Variants in ADSS2 observed in about 807,000 individuals in gnomAD.
ADSS2 encodes adenylosuccinate synthetase isozyme 2.
In ADSS2, 30 loss-of-function variants were observed where a neutral mutation model predicts 60.0. The ratio of observed to expected loss-of-function variants is 0.50; its 90% CI spans 0.37 to 0.68. The LOEUF (loss-of-function observed/expected upper bound fraction) is 0.68, where lower values mean the gene tolerates loss of function less well. Ranked by LOEUF, ADSS2 falls within the 30% of genes least tolerant of loss-of-function variation. The probability of loss-of-function intolerance (pLI) is 0.00; values close to 1 mark genes in which losing one functional copy is unlikely to be tolerated. For synonymous variants in ADSS2, 187 were observed against 193.1 expected, an observed-to-expected ratio of 0.97 and a Z score of 0.26; for missense variants, 373 against 554.8, an observed-to-expected ratio of 0.67 and a Z score of 3.29.
At chr1:244,434,760 A>G (rs1425604336) in intron 3 of ADSS2, among the ~76,000 whole-genome samples, 1 of 152,212 alleles carries the variant, frequency 6.6e-6, no homozygotes, top group East Asian at 1.9e-4. Flanking sequence ...GAGCAGCATC[A>G]ATATAAAAAT....
rs775010741 is a variant in ADSS2, at chr1:244,409,577, T to C, written c.*9A>G. The C allele has an allele frequency of 5.6e-6, 9 of 1,601,338 alleles. No individual in the cohort carries two copies. The highest frequency in any genetic ancestry group is 3.3e-5 in the Admixed American group (2 of 59,722). Reference sequence around the variant, plus strand: ...TCTCAAGGAGTGTTTCTTGCATTACTGGCAATCATTAAAAGAGTTGAATCA... The same window carrying C: ...TCTCAAGGAGTGTTTCTTGCATTACCGGCAATCATTAAAAGAGTTGAATCA... On this transcript the variant is annotated 3_prime_UTR_variant, in exon 13 of 13. Coordinates refer to ENST00000366535, the MANE Select transcript of ADSS2 (RefSeq NM_001126.5).
At chr1:244,410,994 G>A (rs2147984112) in intron 12 of ADSS2, among the ~76,000 whole-genome samples, 1 of 152,244 alleles carries the variant, frequency 6.6e-6, no homozygotes, top group Non-Finnish European at 1.5e-5. Context: ...GGGAGGCTGA[G>A]GTGGGCAGAC....
rs1222989578 is a variant in ADSS2 at position 244,409,354 on chromosome 1, G to A, written c.*232C>T. On this transcript the variant is annotated 3_prime_UTR_variant, in exon 13 of 13. Transcript: ENST00000366535. ...TGAAAAAAAAAACGTGGCACCATGAGAGCAGCAGGAGCAACAAATGATTTG... is the reference window on the plus strand; with the variant it reads ...TGAAAAAAAAAACGTGGCACCATGAAAGCAGCAGGAGCAACAAATGATTTG... 1.2e-5 allele frequency: 5 copies of A among 405,786 alleles called. No homozygotes were observed. The highest frequency in any genetic ancestry group is 2.2e-5 in the Non-Finnish European group (5 of 228,774). 25.1% of individuals were successfully genotyped at this position (405,786 alleles called of 1,614,324 possible).
intron 9 of ADSS2, among the ~76,000 whole-genome samples, chr1:244,418,033 T>A (rs1664579612): frequency 6.6e-6 from 1 of 152,196 alleles, no homozygotes; most frequent in Non-Finnish European, 1.5e-5. Flanking sequence ...AAAAAGTATT[T>A]ATTAAATAGA....
chr1:244,451,497 G>A lies in ADSS2; in HGVS notation c.183+138C>T. The stretch of plus-strand genomic sequence containing the variant: ...ATTTCTCCACGTAGCCGCAGCTCAG[G>A]ACAGGAGGAGAGAGCCTCAAGGTGA... On this transcript the variant is annotated intron_variant, in intron 1 of 12. Coordinates refer to ENST00000366535, the MANE Select transcript of ADSS2 (RefSeq NM_001126.5). The surrounding 1 kb of genome is among the most constrained non-coding windows in gnomAD (Gnocchi z 6.6). The A allele has an allele frequency of 1.0e-6, 1 of 967,746 alleles. No individual in the cohort carries two copies. The highest frequency in any genetic ancestry group is 1.5e-6 in the Non-Finnish European group (1 of 672,534). The allele number at this position is 967,746 out of a possible 1,614,324, so 59.9% of individuals were successfully genotyped here.
At chr1:244,424,242 T>C (rs1664743271) in intron 5 of ADSS2, 79 bp downstream of exon 5, 2 of 1,420,494 alleles carry the variant, frequency 1.4e-6, no homozygotes, top group Non-Finnish European at 1.9e-6. Flanking sequence ...TTATTTTTCT[T>C]AAACTTCTGG....
At chr1:244,411,542 C>T (rs1664418729) in intron 11 of ADSS2, 106 bp from the exon 12 acceptor site, 1 of 1,196,950 alleles carries the variant, frequency 8.4e-7, no homozygotes, top group Non-Finnish European at 1.2e-6. Context: ...TTTGGAGCCA[C>T]ATATGTTTTG....
upstream of ADSS2, chr1:244,451,916 G>T: frequency 7.9e-7 from 1 of 1,273,552 alleles, no homozygotes; most frequent in Non-Finnish European, 1.0e-6. This position sits in a 1 kb window ranked among gnomAD's most constrained non-coding sequence, Gnocchi z 6.6. Flanking sequence ...AGAGGAAGAA[G>T]GAGCCAGAGG....
chr1:244,416,512 G>T (rs528875547), intron 10 of ADSS2, among the ~76,000 whole-genome samples: 1 of 152,214 alleles, frequency 6.6e-6, no homozygotes, highest in Admixed American at 6.5e-5. Context: ...TAGAGACAGG[G>T]TCTCACCAGG....
At chr1:244,445,845 T>C (rs1159970456) in intron 1 of ADSS2, among the ~76,000 whole-genome samples, 1 of 152,142 alleles carries the variant, frequency 6.6e-6, no homozygotes, top group East Asian at 1.9e-4. Context: ...GAAACAATGG[T>C]CTCTTTTCCA....
At chr1:244,441,115 A>G (rs1019420165) in intron 1 of ADSS2, among the ~76,000 whole-genome samples, 3 of 150,372 alleles carry the variant, frequency 2.0e-5, no homozygotes, top group South Asian at 2.1e-4. Context: ...CTGGAGTGCA[A>G]TGGCGCGATC....
Sources: allele counts gnomAD v4.1 joint callset (sites outside exome capture counted in the v4.1 genomes callset), GRCh38; gene constraint gnomAD v4.1.1; non-coding constraint Gnocchi (gnomAD v3.1); transcripts MANE v1.5; gene names NCBI Gene and HGNC (gene_info 2026-07-23, HGNC 2026-07-21).